The following SLC25A51 variants were observed in gnomAD, a reference collection of about 807,000 sequenced individuals.
SLC25A51 encodes the protein solute carrier family 25 member 51.
A neutral mutation model predicts 19.1 loss-of-function variants in SLC25A51; 11 were observed. The observed-to-expected ratio is 0.58, with a 90% CI of 0.36 to 0.96. The LOEUF is 0.96. Ranked by LOEUF, SLC25A51 falls within the 40% of genes least tolerant of loss-of-function variation. The pLI is 0.01. For missense variants in SLC25A51, 201 were observed against 365.4 expected, an observed-to-expected ratio of 0.55 and a Z score of 3.67; for synonymous variants, 105 against 133.6, an observed-to-expected ratio of 0.79 and a Z score of 1.47.
At chr9:37,901,181 T>C (rs1831840334) in intron 1 of SLC25A51, among the ~76,000 whole-genome samples, 1 of 152,094 alleles carries the variant, frequency 6.6e-6, no homozygotes, top group South Asian at 2.1e-4. Context: ...AAAAAAATTT[T>C]TTTTTTGAGA....
At chr9:37,895,987 T>A (rs1831706677) in intron 2 of SLC25A51, among the ~76,000 whole-genome samples, 1 of 152,152 alleles carries the variant, frequency 6.6e-6, no homozygotes, top group South Asian at 2.1e-4. Flanking sequence ...CTAATTTTTA[T>A]ATTTTTAGTA....
At chr9:37,878,459 T>C, downstream of SLC25A51, 1 of 200,520 alleles carries the variant, frequency 5.0e-6, no homozygotes. Context: ...CAAGGAAGGA[T>C]GTGAGTTTTG....
chr9:37,890,530 T>C (rs767474239), intron 2 of SLC25A51, among the ~76,000 whole-genome samples: 20 of 152,178 alleles, frequency 1.3e-4, no homozygotes, highest in Non-Finnish European at 2.9e-4. Context: ...ATAGTGAGAC[T>C]CTGCCTCTAC....
At chr9:37,891,072 C>T (rs937657767) in intron 2 of SLC25A51, among the ~76,000 whole-genome samples, 13 of 152,190 alleles carry the variant, frequency 8.5e-5, no homozygotes, top group Admixed American at 2.0e-4. Flanking sequence ...AGCATTAGTT[C>T]CTAAGGGGCG....
At chr9:37,882,879 T>C (rs1226343353), downstream of SLC25A51, among the ~76,000 whole-genome samples, 2 of 152,200 alleles carry the variant, frequency 1.3e-5, no homozygotes, top group Non-Finnish European at 2.9e-5. Context: ...AGTTTCACTC[T>C]GTTGCCCAGG....
downstream of SLC25A51, among the ~76,000 whole-genome samples, chr9:37,884,912 A>G (rs1831414882): frequency 6.6e-6 from 1 of 152,204 alleles, no homozygotes; most frequent in South Asian, 2.1e-4. Context: ...CAAACCTAGA[A>G]AGCAAAACAG....
At chr9:37,891,217 G>A (rs1034769650) in intron 2 of SLC25A51, among the ~76,000 whole-genome samples, 3 of 152,030 alleles carry the variant, frequency 2.0e-5, no homozygotes, top group Non-Finnish European at 2.9e-5. Context: ...CCGGCCAGCC[G>A]CCCCGTCCAG....
At chr9:37,884,949 A>G (rs574925778), downstream of SLC25A51, among the ~76,000 whole-genome samples, 345 of 152,346 alleles carry the variant, frequency 2.3e-3, 2 homozygotes, top group African/African-American at 7.5e-3. Context: ...TTGATCTACC[A>G]TATCTAAATA....
intron 2 of SLC25A51, among the ~76,000 whole-genome samples, chr9:37,897,041 C>T (rs1564070761): frequency 6.6e-6 from 1 of 152,168 alleles, no homozygotes; most frequent in Admixed American, 6.5e-5. Flanking sequence ...ACAAGTCTAT[C>T]TTAATTTTAA....
Position 37,888,202 on chromosome 9 carries a change from C to G in SLC25A51, c.349G>C (p.Glu117Gln), listed in dbSNP as rs766180352. Residue 117 changes from glutamate to glutamine, a missense_variant, in exon 3 of 3, where the codon GAG (glutamate) becomes CAG (glutamine). Transcript: ENST00000242275. ...CLLHKHVSAP[E>Q]FATSGVAAVL... ...GCCGCCACGCCACTGGTTGCAAACTCTGGAGCACTGACATGCTTGTGGAGA... is the reference window on the plus strand; with the variant it reads ...GCCGCCACGCCACTGGTTGCAAACTGTGGAGCACTGACATGCTTGTGGAGA... 22 of 1,614,012 alleles carry G rather than the reference C, an allele frequency of 1.4e-5. No individual in the cohort carries two copies. The highest frequency in any genetic ancestry group is 1.1e-5 in the South Asian group (1 of 91,086).
At chr9:37,897,871 A>G (rs561213688) in intron 2 of SLC25A51, among the ~76,000 whole-genome samples, 159 of 152,216 alleles carry the variant, frequency 1.0e-3, no homozygotes, top group African/African-American at 3.4e-3. Context: ...GCTGAGTCAT[A>G]TATGATTTAT....
At chr9:37,885,065 C>T (rs958833177), downstream of SLC25A51, among the ~76,000 whole-genome samples, 1 of 152,094 alleles carries the variant, frequency 6.6e-6, no homozygotes, top group African/African-American at 2.4e-5. Context: ...TTCTGTTCTG[C>T]CCCTTTGTCA....
chr9:37,888,060 A>G lies in SLC25A51; in HGVS notation c.491T>C (p.Leu164Pro). 6.2e-7 allele frequency: 1 copy of G among 1,613,784 alleles called. No individual in the cohort carries two copies. Among genetic ancestry groups the G allele is most frequent in the Non-Finnish European group, 8.5e-7 (1 of 1,179,870 alleles). Residue 164 changes from leucine (L) to proline (P), a missense_variant, in exon 3 of 3, where the codon CTG becomes CCG. By Grantham distance (98) the Leu-to-Pro change is moderately conservative. Coordinates refer to ENST00000242275, the MANE Select transcript of SLC25A51 (RefSeq NM_033412.4). Reference protein sequence around the residue: ...FTNTYQAFKALKCHGIGEYYR... With the variant: ...FTNTYQAFKAPKCHGIGEYYR... ...ATACTCTCCAATTCCATGACATTTC[A>G]GTGCCTTGAAAGCCTGGTAAGTGTT...
At chr9:37,886,832 C>G (rs1411611471), downstream of SLC25A51, among the ~76,000 whole-genome samples, 1 of 152,196 alleles carries the variant, frequency 6.6e-6, no homozygotes, top group Non-Finnish European at 1.5e-5. Flanking sequence ...ACTCTTGCTT[C>G]CTTAAGCCCT....
intron 2 of SLC25A51, among the ~76,000 whole-genome samples, chr9:37,897,780 G>A (rs915178247): frequency 3.3e-5 from 5 of 152,044 alleles, no homozygotes; most frequent in African/African-American, 9.7e-5. Context: ...TGTCATCTGA[G>A]TGTTCATAAT....
downstream of SLC25A51, chr9:37,879,063 T>C: frequency 2.8e-6 from 1 of 355,490 alleles, no homozygotes; most frequent in Non-Finnish European, 5.6e-6. Flanking sequence ...CTACTTCTGA[T>C]CTTAATCACC....
downstream of SLC25A51, chr9:37,886,044 T>TTG (rs1831449067): frequency 1.2e-6 from 2 of 1,612,922 alleles, no homozygotes; most frequent in East Asian, 4.5e-5. Context: ...GACCTCTCCC[T>TTG]TAAGTACAAC....
At chr9:37,885,342 TAAAAA>T (rs60095173), downstream of SLC25A51, among the ~76,000 whole-genome samples, 71 of 99,284 alleles carry the variant, frequency 7.2e-4, no homozygotes, top group African/African-American at 2.4e-3. Context: ...TAGGTAATGA[TAAAAA>T]AAAAAAAAAA....
chr9:37,885,886 C>G (rs1168731719), downstream of SLC25A51: 59 of 1,597,904 alleles, frequency 3.7e-5, no homozygotes, highest in Non-Finnish European at 4.7e-5. Context: ...AAACCCCCCC[C>G]TCCCCATATA....
Sources: gnomAD v4.1 joint callset for allele counts (sites outside exome capture counted in the v4.1 genomes callset) on GRCh38, gnomAD v4.1.1 for gene constraint, MANE v1.5 for transcripts, NCBI Gene and HGNC (gene_info 2026-07-23, HGNC 2026-07-21) for gene names.